The following ADGRL3 variants were observed in gnomAD, a reference collection of about 807,000 sequenced individuals.
ADGRL3 encodes the protein calcium-independent alpha-latrotoxin receptor 3.
ADGRL3 carries 62 observed loss-of-function variants against 153.5 expected under a neutral mutation model. The observed-to-expected ratio is 0.40, with a 90% CI of 0.33 to 0.50. ADGRL3 has a LOEUF of 0.50. Ranked by LOEUF, ADGRL3 falls within the 20% of genes least tolerant of loss-of-function variation. ADGRL3 has a pLI of 0.47. For missense variants in ADGRL3, 1,641 were observed against 1,859.4 expected (o/e 0.88, Z 2.16); for synonymous variants, 710 against 672.5 (o/e 1.06, Z -0.86).
In ADGRL3 at chr4:61,517,365, G is replaced by A. The variant is rs1014728889; in HGVS notation, c.106G>A (p.Ala36Thr). The A allele has an allele frequency of 1.4e-6, 1 of 706,970 alleles. No individual in the cohort carries two copies. Among genetic ancestry groups the A allele is most frequent in the East Asian group, 2.7e-5 (1 of 37,298 alleles). The allele number at this position is 706,970 out of a possible 1,614,324, so 43.8% of individuals were successfully genotyped here. ...TGCCCTTGCTGCTCCATTGCGACAC[G>A]CTGAGCGCAGCCCAGGAGGCGCTCT... ...HPALAAPLRH[A>T]ERSPGGALPP... is the part of the protein sequence containing the mutation. The change falls in exon 4 of 27, where the codon GCT becomes ACT. Residue 36 changes from alanine (A) to threonine (T), a missense_variant. Transcript: ENST00000683033.
chr4:61,222,443 T>G (rs1746051125), intron 1 of ADGRL3, among the ~76,000 whole-genome samples: 1 of 152,164 alleles, frequency 6.6e-6, no homozygotes, highest in South Asian at 2.1e-4. Flanking sequence ...TTTATGTATC[T>G]CTCATTCTCT....
intron 1 of ADGRL3, among the ~76,000 whole-genome samples, chr4:61,206,860 T>C (rs1737460597): frequency 6.6e-6 from 1 of 151,976 alleles, no homozygotes; most frequent in Non-Finnish European, 1.5e-5. Flanking sequence ...TACATGCCTG[T>C]AGTCCCAGCT....
chr4:61,304,417 T>TA (rs1305054082), intron 1 of ADGRL3, among the ~76,000 whole-genome samples: 1 of 152,222 alleles, frequency 6.6e-6, no homozygotes, highest in African/African-American at 2.4e-5. Context: ...GTTATGCTAC[T>TA]AAAAAACAAG....
intron 1 of ADGRL3, among the ~76,000 whole-genome samples, chr4:61,338,753 G>A (rs1324389033): frequency 6.6e-6 from 1 of 152,084 alleles, no homozygotes; most frequent in East Asian, 1.9e-4. Context: ...ATACCAATAT[G>A]TTTTTCCATT....
At chr4:61,488,300 A>C (rs1208060814) in intron 2 of ADGRL3, among the ~76,000 whole-genome samples, 2 of 152,056 alleles carry the variant, frequency 1.3e-5, no homozygotes, top group Non-Finnish European at 2.9e-5. Flanking sequence ...TTAAAATATA[A>C]TTATAAGGGG....
At chr4:61,867,104 C>G (rs908518188) in intron 9 of ADGRL3, among the ~76,000 whole-genome samples, 1 of 151,974 alleles carries the variant, frequency 6.6e-6, no homozygotes, top group East Asian at 1.9e-4. Flanking sequence ...AATTATGATA[C>G]CAGCCCATAT....
chr4:61,858,924 T>G (rs973626769), intron 9 of ADGRL3, among the ~76,000 whole-genome samples: 1 of 152,140 alleles, frequency 6.6e-6, no homozygotes, highest in African/African-American at 2.4e-5. Context: ...TTTGGATTGA[T>G]GGGGATAAAA....
At chr4:61,315,663 T>C (rs1232433100) in intron 1 of ADGRL3, among the ~76,000 whole-genome samples, 1 of 152,118 alleles carries the variant, frequency 6.6e-6, no homozygotes, top group African/African-American at 2.4e-5. Context: ...CTGGAAACCA[T>C]GAAAGAAAGG....
At chr4:61,700,792 G>A (rs895585126) in intron 6 of ADGRL3, among the ~76,000 whole-genome samples, 8 of 152,208 alleles carry the variant, frequency 5.3e-5, no homozygotes, top group African/African-American at 1.9e-4. Flanking sequence ...TTAAGATTGA[G>A]ATGCTGGTGA....
rs183477075 is a variant in ADGRL3, at chr4:61,954,026, A to G, written c.2805+5750A>G. 2.6e-5 allele frequency among the ~76,000 whole-genome samples: 4 copies of G among 152,132 alleles called. No homozygotes were observed. The South Asian group carries it at 6.2e-4, about 24-fold the overall frequency. On this transcript the variant is annotated intron_variant, in intron 17 of 26. Coordinates refer to ENST00000683033, the MANE Select transcript of ADGRL3 (RefSeq NM_001387552.1). Reference sequence around the variant, plus strand: ...CTCTTCTCCCTCGGAGATGTCATGCAGTCATATGGATGTATACCTCATCTC... The same window carrying G: ...CTCTTCTCCCTCGGAGATGTCATGCGGTCATATGGATGTATACCTCATCTC...
chr4:61,274,807 G>A (rs1029018920), intron 1 of ADGRL3, among the ~76,000 whole-genome samples: 1 of 152,034 alleles, frequency 6.6e-6, no homozygotes, highest in Non-Finnish European at 1.5e-5. Context: ...GGTGGTGCAC[G>A]CTTGTTGTCA....
intron 8 of ADGRL3, among the ~76,000 whole-genome samples, chr4:61,762,464 A>C (rs78081559): frequency 0.012 from 1,903 of 152,242 alleles, 46 homozygotes; most frequent in African/African-American, 0.042. Context: ...TTTGAGGTCA[A>C]AAAGACTATT....
intron 1 of ADGRL3, among the ~76,000 whole-genome samples, chr4:61,238,637 C>T (rs1264361070): frequency 6.6e-6 from 1 of 152,024 alleles, no homozygotes; most frequent in Non-Finnish European, 1.5e-5. Context: ...TGGAGTTTTC[C>T]TTCAGGCAAA....
intron 15 of ADGRL3, among the ~76,000 whole-genome samples, chr4:61,946,246 A>G (rs956477043): frequency 6.6e-6 from 1 of 152,138 alleles, no homozygotes; most frequent in Non-Finnish European, 1.5e-5. Flanking sequence ...GGTCTTTTCA[A>G]TTTTAGAGAT....
At chr4:61,969,163 A>T (rs2099017534) in intron 17 of ADGRL3, among the ~76,000 whole-genome samples, 1 of 152,156 alleles carries the variant, frequency 6.6e-6, no homozygotes, top group African/African-American at 2.4e-5. Context: ...CAACCTTTGA[A>T]TCAGAAAAAA....
intron 2 of ADGRL3, among the ~76,000 whole-genome samples, chr4:61,439,489 G>GTGCA (rs1438995232): frequency 3.3e-5 from 5 of 152,094 alleles, no homozygotes; most frequent in Admixed American, 6.6e-5. Flanking sequence ...ATAATAATGG[G>GTGCA]TGCATGTGCA....
intron 6 of ADGRL3, among the ~76,000 whole-genome samples, chr4:61,683,197 G>A (rs1282431769): frequency 6.6e-6 from 1 of 150,914 alleles, no homozygotes. Flanking sequence ...ACTGCAGCCT[G>A]GACCTCCCTG....
intron 6 of ADGRL3, among the ~76,000 whole-genome samples, chr4:61,714,221 G>GCACACACACACACACGCA (rs57350284): frequency 1.3e-5 from 2 of 150,742 alleles, no homozygotes; most frequent in Non-Finnish European, 3.0e-5. Flanking sequence ...TGTAAAATAC[G>GCACACACACACACACGCA]CACACACACA....
chr4:61,967,941 T>A (rs1035096176), intron 17 of ADGRL3, among the ~76,000 whole-genome samples: 5 of 152,112 alleles, frequency 3.3e-5, no homozygotes, highest in African/African-American at 4.8e-5. Context: ...CTGGCAAGGA[T>A]ACTTTTGTCA....
Sources: gnomAD v4.1 joint callset for allele counts (sites outside exome capture counted in the v4.1 genomes callset) on GRCh38, gnomAD v4.1.1 for gene constraint, MANE v1.5 for transcripts, NCBI Gene and HGNC (gene_info 2026-07-23, HGNC 2026-07-21) for gene names.